Variants in CD300LF observed in about 807,000 individuals in gnomAD.
CD300LF encodes the protein CD300 molecule like family member f.
A neutral mutation model predicts 32.2 loss-of-function variants in CD300LF; 27 were observed. The observed-to-expected ratio is 0.84, with a 90% CI of 0.62 to 1.15. CD300LF has a LOEUF of 1.15. Ranked by LOEUF, CD300LF falls within the 50% of genes most tolerant of loss-of-function variation. CD300LF has a pLI of 0.00. For synonymous variants in CD300LF, 139 were observed against 143.2 expected, an observed-to-expected ratio of 0.97 and a Z score of 0.21; for missense variants, 348 against 356.8, an observed-to-expected ratio of 0.98 and a Z score of 0.20.
intron 3 of CD300LF, among the ~76,000 whole-genome samples, chr17:74,701,902 C>T (rs908724566): frequency 1.3e-5 from 2 of 150,256 alleles, no homozygotes; most frequent in Non-Finnish European, 1.5e-5. Flanking sequence ...GACTATAGTT[C>T]CCCCAGCTAC....
chr17:74,698,782 G>A (rs538513648), intron 3 of CD300LF, among the ~76,000 whole-genome samples: 8 of 152,282 alleles, frequency 5.3e-5, no homozygotes, highest in Admixed American at 4.6e-4. Context: ...TTACCTGGGT[G>A]ACAAAATAAT....
At chr17:74,697,824 A>G (rs1644328586) in intron 4 of CD300LF, among the ~76,000 whole-genome samples, 1 of 152,108 alleles carries the variant, frequency 6.6e-6, no homozygotes, top group Non-Finnish European at 1.5e-5. Flanking sequence ...GGCCATTCCA[A>G]TTTCCTGATC....
intron 2 of CD300LF, among the ~76,000 whole-genome samples, chr17:74,703,946 A>G (rs758334517): frequency 2.0e-5 from 3 of 152,236 alleles, no homozygotes; most frequent in Admixed American, 2.0e-4. Flanking sequence ...GATGTCAGGG[A>G]CCAGGAATGC....
chr17:74,702,895 A>G (rs2033183341), intron 3 of CD300LF, 140 bp downstream of exon 3: 3 of 671,260 alleles, frequency 4.5e-6, no homozygotes, highest in African/African-American at 1.8e-5. Flanking sequence ...AGCAAGTGGG[A>G]AGGGCTCCCA....
At chr17:74,704,282 G>C in intron 2 of CD300LF, 196 bp downstream of exon 2, 3 of 591,432 alleles carry the variant, frequency 5.1e-6, no homozygotes, top group Admixed American at 6.1e-5. Context: ...TCCCGTCGTG[G>C]AGGGAGCCCT....
At chr17:74,705,400 A>G in intron 1 of CD300LF, 1 of 524,298 alleles carries the variant, frequency 1.9e-6, no homozygotes, top group African/African-American at 1.9e-5. Context: ...TACAACACAG[A>G]TCCCACTTTC....
rs150725310 is a variant in CD300LF, at chr17:74,702,243, C to A, written c.446+792G>T. 3.3e-3 allele frequency among the ~76,000 whole-genome samples: 501 copies of A among 152,118 alleles called. 1 individual carries two copies. Among genetic ancestry groups the A allele is most frequent in the Non-Finnish European group, 5.3e-3 (361 of 67,972 alleles). The stretch of plus-strand genomic sequence containing the variant: ...AAGGAAGAAATTAAAGGGGACGTTC[C>A]TCTTCTAGAAAGCCCAGCTGACTGC... On this transcript the variant is annotated intron_variant, in intron 3 of 6. Transcript: ENST00000326165.
At chr17:74,698,679 G>A in intron 3 of CD300LF, 198 bp from the exon 4 acceptor site, 1 of 1,356,258 alleles carries the variant, frequency 7.4e-7, no homozygotes, top group Non-Finnish European at 9.7e-7. Context: ...AGAAGGGAAT[G>A]GAACAAGAGA....
At chr17:74,708,957 G>T (rs1484233194) in intron 1 of CD300LF, among the ~76,000 whole-genome samples, 1 of 151,064 alleles carries the variant, frequency 6.6e-6, no homozygotes, top group African/African-American at 2.4e-5. Context: ...AGGCACGGTG[G>T]TTTACACCTG....
Position 74,703,367 on chromosome 17 carries a change from G to C in CD300LF, c.383-269C>G, listed in dbSNP as rs548030685. Among the ~76,000 whole-genome samples, 11 of 152,238 alleles carry C rather than the reference G, an allele frequency of 7.2e-5. 1 individual carries two copies. In the South Asian group the frequency reaches 2.3e-3, roughly 32 times the overall value. ...CCAGGGAGGACGCTGAGCTGGCCCT[G>C]GGAGGGTTAGAGGGGGCTGGGAAGA... On this transcript the variant is annotated intron_variant, in intron 2 of 6. Coordinates refer to ENST00000326165, the MANE Select transcript of CD300LF (RefSeq NM_139018.5).
intron 3 of CD300LF, among the ~76,000 whole-genome samples, chr17:74,699,766 G>A (rs1409002210): frequency 2.0e-5 from 3 of 152,114 alleles, no homozygotes; most frequent in Non-Finnish European, 4.4e-5. Flanking sequence ...GACACTGACA[G>A]GCCCTACTGT....
intron 3 of CD300LF, 79 bp from the exon 4 acceptor site, chr17:74,698,560 G>T: frequency 6.5e-7 from 1 of 1,535,598 alleles, no homozygotes. Context: ...CCCAGCAGCA[G>T]GGGAGGGCCA....
At chr17:74,711,590 C>T (rs1029365334) in intron 1 of CD300LF, among the ~76,000 whole-genome samples, 1 of 152,186 alleles carries the variant, frequency 6.6e-6, no homozygotes, top group African/African-American at 2.4e-5. Context: ...GAGGCAAAGC[C>T]GTGCTGACCT....
At chr17:74,697,849 G>A (rs1247660046) in intron 4 of CD300LF, among the ~76,000 whole-genome samples, 1 of 151,902 alleles carries the variant, frequency 6.6e-6, no homozygotes, top group Non-Finnish European at 1.5e-5. Flanking sequence ...TTGGAGGGCT[G>A]TGTGTGTGTG....
At chr17:74,699,428 G>A (rs1369414984) in intron 3 of CD300LF, among the ~76,000 whole-genome samples, 1 of 152,130 alleles carries the variant, frequency 6.6e-6, no homozygotes, top group African/African-American at 2.4e-5. Context: ...ATGTAATCAA[G>A]TTAAGATGAG....
chr17:74,696,127 A>G, intron 5 of CD300LF, 68 bp downstream of exon 5: 1 of 1,549,682 alleles, frequency 6.5e-7, no homozygotes, highest in Non-Finnish European at 8.7e-7. Context: ...ACCTTCTGAG[A>G]GATGGAAAAT....
intron 1 of CD300LF, among the ~76,000 whole-genome samples, chr17:74,705,683 C>A (rs545805711): frequency 1.2e-4 from 19 of 152,108 alleles, no homozygotes; most frequent in Non-Finnish European, 2.5e-4. Context: ...AAGCCTTCAC[C>A]TCCCAGGCTT....
intron 3 of CD300LF, 32 bp from the exon 4 acceptor site, chr17:74,698,513 C>T: frequency 8.2e-6 from 13 of 1,588,460 alleles, no homozygotes; most frequent in Non-Finnish European, 1.1e-5. Context: ...CCCTGCATCC[C>T]AGGCTCACCA....
rs773148706 is a variant in CD300LF at position 74,704,705 on chromosome 17, C to T, written c.155G>A (p.Trp52Ter). The T allele has an allele frequency of 6.2e-7, 1 of 1,614,172 alleles. No individual in the cohort carries two copies. Among genetic ancestry groups the T allele is most frequent in the African/African-American group, 1.3e-5 (1 of 75,046 alleles). ...YRSGWETYLK[W>*]WCRGAIWRDC... ...ACGCCAAATAGCTCCTCGACACCAC[C>T]ACTTCAAGTAGGTCTCCCAGCCTGA... The change falls in exon 2 of 7, where the codon TGG (tryptophan) becomes TAG (stop). Residue 52 changes from tryptophan (W) to a stop codon, truncating the protein, a stop_gained. Coordinates refer to ENST00000326165, the MANE Select transcript of CD300LF (RefSeq NM_139018.5). LOFTEE classifies it high-confidence loss of function.
Sources: allele counts gnomAD v4.1 joint callset (sites outside exome capture counted in the v4.1 genomes callset), GRCh38; gene constraint gnomAD v4.1.1; transcripts MANE v1.5; gene names NCBI Gene and HGNC (gene_info 2026-07-23, HGNC 2026-07-21).